Variants in TMEM132C observed in about 807,000 individuals in gnomAD.
The protein encoded by TMEM132C is protein phosphatase 1, regulatory subunit 152.
TMEM132C carries 29 observed loss-of-function variants against 61.4 expected under a neutral mutation model. The ratio of observed to expected loss-of-function variants is 0.47; its 90% CI spans 0.35 to 0.64. The LOEUF (loss-of-function observed/expected upper bound fraction) is 0.64, where lower values mean the gene tolerates loss of function less well. Ranked by LOEUF, TMEM132C falls within the 30% of genes least tolerant of loss-of-function variation. TMEM132C has a pLI of 0.00. For missense variants in TMEM132C, 1,408 were observed against 1,476.9 expected, an observed-to-expected ratio of 0.95 and a Z score of 0.76; for synonymous variants, 656 against 633.1, an observed-to-expected ratio of 1.04 and a Z score of -0.54.
chr12:128,469,056 C>T (rs1316393467), intron 2 of TMEM132C, among the ~76,000 whole-genome samples: 4 of 152,084 alleles, frequency 2.6e-5, no homozygotes, highest in Non-Finnish European at 5.9e-5. Flanking sequence ...AACCATACCG[C>T]TTGGTTGAAG....
At position 128,705,466 on chromosome 12, in the gene TMEM132C, G is replaced by T. The variant is rs750924400; in HGVS notation, c.2498G>T (p.Arg833Leu). The T allele has an allele frequency of 1.5e-5, 23 of 1,550,912 alleles. No homozygotes were observed. Among genetic ancestry groups the T allele is most frequent in the African/African-American group, 8.2e-5 (6 of 73,034 alleles). Residue 833 changes from arginine (R) to leucine (L), a missense_variant, in exon 9 of 9, where the codon CGC (arginine) becomes CTC (leucine). Physicochemically the swap from Arg to Leu is moderately radical, Grantham distance 102 (BLOSUM62 -2). Transcript: ENST00000435159. ...DRRQKGQHHE[R>L]TGQDGHLYGS... ...CGGCAGAAGGGCCAGCACCATGAGC[G>T]CACAGGCCAAGATGGGCACCTCTAT...
intron 1 of TMEM132C, among the ~76,000 whole-genome samples, chr12:128,381,412 G>A (rs370007694): frequency 7.9e-4 from 120 of 152,282 alleles, no homozygotes; most frequent in African/African-American, 1.9e-3. Context: ...TGTCCATGCC[G>A]AACACACGTG....
At chr12:128,379,251 T>C (rs986814413) in intron 1 of TMEM132C, among the ~76,000 whole-genome samples, 1 of 152,154 alleles carries the variant, frequency 6.6e-6, no homozygotes, top group Non-Finnish European at 1.5e-5. Flanking sequence ...GGTAGGTTGT[T>C]GGTGAGAAAA....
intron 2 of TMEM132C, among the ~76,000 whole-genome samples, chr12:128,499,439 T>A (rs1872080813): frequency 6.6e-6 from 1 of 152,164 alleles, no homozygotes; most frequent in Non-Finnish European, 1.5e-5. Flanking sequence ...TTAGTTATTT[T>A]AAAATATATA....
At chr12:128,367,770 A>G (rs1270123430) in intron 1 of TMEM132C, among the ~76,000 whole-genome samples, 1 of 152,268 alleles carries the variant, frequency 6.6e-6, no homozygotes, top group African/African-American at 2.4e-5. Flanking sequence ...TGAATAATTT[A>G]CATAGTGATT....
chr12:128,345,152 T>A (rs1370339733), intron 1 of TMEM132C, among the ~76,000 whole-genome samples: 1 of 152,122 alleles, frequency 6.6e-6, no homozygotes, highest in Non-Finnish European at 1.5e-5. Context: ...TGAGAACATG[T>A]GGCATTTGTT....
At chr12:128,527,293 A>G (rs1336847005) in intron 2 of TMEM132C, among the ~76,000 whole-genome samples, 2 of 152,210 alleles carry the variant, frequency 1.3e-5, no homozygotes, top group Non-Finnish European at 2.9e-5. Flanking sequence ...ACCCCCAGCC[A>G]GGAGTCCGGT....
At chr12:128,346,576 T>C (rs1343355443) in intron 1 of TMEM132C, among the ~76,000 whole-genome samples, 1 of 152,220 alleles carries the variant, frequency 6.6e-6, no homozygotes, top group Non-Finnish European at 1.5e-5. Flanking sequence ...TCTAATTTTT[T>C]TGAGGACTGT....
rs1317918032 is a variant in TMEM132C, at chr12:128,705,746, G to A, written c.2778G>A (p.Gly926=). 33 of 1,551,398 alleles carry A rather than the reference G, an allele frequency of 2.1e-5. 1 individual carries two copies. Among genetic ancestry groups the A allele is most frequent in the Non-Finnish European group, 2.9e-5 (33 of 1,147,020 alleles). Residue 926 remains glycine (G), a synonymous_variant, in exon 9 of 9, where the codon GGG becomes GGA. Coordinates refer to ENST00000435159, the MANE Select transcript of TMEM132C (RefSeq NM_001136103.3). Reference sequence around the variant, plus strand: ...GGGGCCTGAGTGATCTGGAGATAGGGATGTACGCCCTCCTGGGGGTGTTCT... The same window carrying A: ...GGGGCCTGAGTGATCTGGAGATAGGAATGTACGCCCTCCTGGGGGTGTTCT... The part of the protein sequence containing the change: ...TPRGLSDLEI[G]MYALLGVFCL...
chr12:128,663,700 T>C (rs1240574886), intron 4 of TMEM132C, among the ~76,000 whole-genome samples: 1 of 134,584 alleles, frequency 7.4e-6, no homozygotes, highest in Non-Finnish European at 1.5e-5. Context: ...TGTGCCTGCA[T>C]GTATGCGTGT....
chr12:128,358,305 T>G (rs1873584526), intron 1 of TMEM132C, among the ~76,000 whole-genome samples: 1 of 152,198 alleles, frequency 6.6e-6, no homozygotes, highest in Non-Finnish European at 1.5e-5. Context: ...CTTTAATACC[T>G]GCTTATCCTG....
chr12:128,451,273 A>G (rs1870166376), intron 2 of TMEM132C, among the ~76,000 whole-genome samples: 1 of 152,232 alleles, frequency 6.6e-6, no homozygotes, highest in Non-Finnish European at 1.5e-5. Context: ...AAGATAAAAT[A>G]ATAAATGAAA....
chr12:128,465,036 G>A (rs1870681675), intron 2 of TMEM132C, among the ~76,000 whole-genome samples: 1 of 152,040 alleles, frequency 6.6e-6, no homozygotes, highest in African/African-American at 2.4e-5. Flanking sequence ...CAAGACTTGG[G>A]TGTGCTTTCT....
intron 4 of TMEM132C, 92 bp downstream of exon 4, chr12:128,616,427 G>T: frequency 8.1e-7 from 1 of 1,236,582 alleles, no homozygotes; most frequent in East Asian, 2.6e-5. Context: ...TTGCTACAAT[G>T]ATTTTATGGA....
intron 2 of TMEM132C, among the ~76,000 whole-genome samples, chr12:128,515,144 A>G (rs1055537968): frequency 2.0e-5 from 3 of 152,264 alleles, no homozygotes; most frequent in East Asian, 3.8e-4. Context: ...ACCAGCAGCC[A>G]TCATGAATCA....
At chr12:128,292,400 C>T (rs1233390143) in intron 1 of TMEM132C, among the ~76,000 whole-genome samples, 1 of 152,174 alleles carries the variant, frequency 6.6e-6, no homozygotes, top group Non-Finnish European at 1.5e-5. Context: ...CTTCCTCACC[C>T]AGCAGTTGTA....
chr12:128,304,294 G>A (rs1252916306), intron 1 of TMEM132C, among the ~76,000 whole-genome samples: 2 of 152,112 alleles, frequency 1.3e-5, no homozygotes, highest in Non-Finnish European at 2.9e-5. Flanking sequence ...AAATGTGTGT[G>A]TGCGTGTAAG....
chr12:128,315,286 G>A (rs1872114096), intron 1 of TMEM132C, among the ~76,000 whole-genome samples: 1 of 152,160 alleles, frequency 6.6e-6, no homozygotes, highest in Non-Finnish European at 1.5e-5. Flanking sequence ...GAGAGGAACG[G>A]GATGAGGCTG....
At chr12:128,531,096 A>G (rs575554993) in intron 2 of TMEM132C, among the ~76,000 whole-genome samples, 4 of 140,360 alleles carry the variant, frequency 2.8e-5, no homozygotes, top group Admixed American at 2.2e-4. Context: ...AACATTGGTA[A>G]TTGTTTTATG....
Sources: gnomAD v4.1 joint callset for allele counts (sites outside exome capture counted in the v4.1 genomes callset) on GRCh38, gnomAD v4.1.1 for gene constraint, MANE v1.5 for transcripts, NCBI Gene and HGNC (gene_info 2026-07-23, HGNC 2026-07-21) for gene names.